The following NFKBID variants were observed in gnomAD, a reference collection of about 807,000 sequenced individuals.
The protein encoded by NFKBID is NF-kappa-B inhibitor delta.
NFKBID carries 26 observed loss-of-function variants against 53.4 expected under a neutral mutation model. That is an observed-to-expected ratio of 0.49 (90% confidence interval 0.36 to 0.68). The LOEUF is 0.68. Among genes scored for constraint, NFKBID ranks in the 30% least tolerant of loss-of-function variants. The probability of loss-of-function intolerance (pLI) is 0.00; values close to 1 mark genes in which losing one functional copy is unlikely to be tolerated. For synonymous variants in NFKBID, 262 were observed against 259.8 expected, an observed-to-expected ratio of 1.01 and a Z score of -0.08; for missense variants, 493 against 614.1, an observed-to-expected ratio of 0.80 and a Z score of 2.08.
exon 4 of NFKBID, chr19:35,897,763 T>G: frequency 6.2e-7 from 1 of 1,608,150 alleles, no homozygotes; most frequent in South Asian, 1.1e-5. Flanking sequence ...GCTGTCAGTG[T>G]AGGCAGCATG....
At chr19:35,901,962 T>C, upstream of NFKBID, 2 of 574,142 alleles carry the variant, frequency 3.5e-6, no homozygotes, top group South Asian at 2.0e-5. Flanking sequence ...TGTGTTGTGA[T>C]AGGGGCAGAA....
intron 3 of NFKBID, among the ~76,000 whole-genome samples, chr19:35,898,190 AT>A (rs1215442719): frequency 6.6e-6 from 1 of 152,100 alleles, no homozygotes; most frequent in Non-Finnish European, 1.5e-5. Context: ...TTCTACAAAA[AT>A]TTAAAAAATT....
In NFKBID at chr19:35,896,665, G is replaced by T; in HGVS notation, c.684+61C>A. ...ATTCCCCTCTTCTCTAGGATCCAGGGGTCCAGGCCCCAGGCTCCTTCCTCC... is the reference window on the plus strand; with the variant it reads ...ATTCCCCTCTTCTCTAGGATCCAGGTGTCCAGGCCCCAGGCTCCTTCCTCC... On this transcript the variant is annotated intron_variant, in intron 6 of 11. Transcript: ENST00000641389. This position sits in a 1 kb window ranked among gnomAD's most constrained non-coding sequence, Gnocchi z 5.7. 1 of 1,556,110 alleles carries T rather than the reference G, an allele frequency of 6.4e-7. No homozygotes were observed. The highest frequency in any genetic ancestry group is 1.4e-5 in the African/African-American group (1 of 73,588).
Position 35,896,585 on chromosome 19 carries a change from T to A in NFKBID, c.685-47A>T. On this transcript the variant is annotated intron_variant, in intron 6 of 11. Coordinates refer to ENST00000641389, the Ensembl canonical transcript of NFKBID. This position sits in a 1 kb window ranked among gnomAD's most constrained non-coding sequence, Gnocchi z 5.7. ...AGGTTGGGCTCCTGGTTCCCTCCCG[T>A]CAGAAAACCAGGCTCCCAGCCCCAT... 2 of 1,604,174 alleles carry A rather than the reference T, an allele frequency of 1.2e-6. No homozygotes were observed. Among genetic ancestry groups the A allele is most frequent in the Non-Finnish European group, 1.7e-6 (2 of 1,172,528 alleles).
upstream of NFKBID, chr19:35,901,975 C>T (rs758303662): frequency 3.4e-5 from 20 of 589,786 alleles, no homozygotes; most frequent in Non-Finnish European, 5.5e-5. Flanking sequence ...GGGCAGAATC[C>T]TGTCTGCACT....
At position 35,898,755 on chromosome 19, in the gene NFKBID, G is replaced by A. The variant is rs372425843; in HGVS notation, c.129C>T (p.Arg43=). 14 of 1,535,972 alleles carry A rather than the reference G, an allele frequency of 9.1e-6. No individual in the cohort carries two copies. In the African/African-American group the frequency reaches 9.6e-5, roughly 11 times the overall value. ...CAGCGTCGGGCTGCTGCTGCTGGCG[G>A]CGCCTCTGCTCTTCCAGAAGCTTCT... Residue 43 remains arginine (R), a synonymous_variant, in exon 2 of 12, where the codon CGC becomes CGT. Transcript: ENST00000641389.
downstream of NFKBID, chr19:35,888,114 G>C (rs1277588998): frequency 6.2e-6 from 1 of 162,104 alleles, no homozygotes; most frequent in Non-Finnish European, 1.4e-5. Flanking sequence ...CCTGTCTCAG[G>C]GTGAGGACCT....
At chr19:35,888,480 G>A in exon 12 of NFKBID, 1 of 1,012,694 alleles carries the variant, frequency 9.9e-7, no homozygotes, top group Non-Finnish European at 1.5e-6. Flanking sequence ...ATTATCATGG[G>A]TTTGCAACAT....
At chr19:35,900,513 TC>T in exon 1 of NFKBID, 1 of 1,231,744 alleles carries the variant, frequency 8.1e-7, no homozygotes, top group South Asian at 4.1e-5. Context: ...CCTCGCTGTT[TC>T]CCCCGCGGAG....
intron 3 of NFKBID, 47 bp from the exon 4 acceptor site, chr19:35,897,903 G>A (rs1369308689): frequency 2.2e-6 from 3 of 1,343,420 alleles, no homozygotes; most frequent in Non-Finnish European, 3.1e-6. Flanking sequence ...ACCAGAGTTG[G>A]GGACGTCACA....
At position 35,896,782 on chromosome 19, in the gene NFKBID, C is replaced by T. The variant is rs1419659400; in HGVS notation, c.628G>A (p.Ala210Thr). ...CGGTACACCTGGAGCACCTCAGCCG[C>T]AGCATATGCCGCCCAGCGCAGCCCC... The change falls in exon 6 of 12, where the codon GCG (alanine) becomes ACG (threonine). Residue 210 changes from alanine (A) to threonine (T), a missense_variant. Ala to Thr is a moderately conservative substitution (Grantham distance 58). This residue lies in a region of NFKBID where 267 missense variants were observed against 384.6 expected (regional missense o/e 0.69). Transcript: ENST00000641389. The surrounding 1 kb of genome is among the most constrained non-coding windows in gnomAD (Gnocchi z 5.7). The T allele has an allele frequency of 6.2e-7, 1 of 1,614,004 alleles. No homozygotes were observed.
exon 11 of NFKBID, chr19:35,889,952 G>A: frequency 6.2e-7 from 1 of 1,612,170 alleles, no homozygotes. Flanking sequence ...AGGTTGCGCA[G>A]TGTGGGGTCC....
intron 4 of NFKBID, 72 bp from the exon 5 acceptor site, chr19:35,897,130 C>T: frequency 6.6e-7 from 1 of 1,507,998 alleles, no homozygotes. Flanking sequence ...GTGGGGAGAC[C>T]CAGTCAGCTG....
chr19:35,900,715 G>T (rs1308224803), upstream of NFKBID: 8 of 1,112,202 alleles, frequency 7.2e-6, no homozygotes, highest in Middle Eastern at 1.0e-3. Flanking sequence ...GGGAAGGAGG[G>T]AGCTGGGGTC....
At chr19:35,891,803 G>T (rs1047787426) in intron 9 of NFKBID, among the ~76,000 whole-genome samples, 2 of 151,898 alleles carry the variant, frequency 1.3e-5, no homozygotes, top group Non-Finnish European at 2.9e-5. Flanking sequence ...GGAGGCAGAG[G>T]TTGCAGTGAG....
chr19:35,897,190 CT>C (rs1419386976), intron 4 of NFKBID, 132 bp from the exon 5 acceptor site: 2 of 925,478 alleles, frequency 2.2e-6, no homozygotes, highest in Non-Finnish European at 3.2e-6. Flanking sequence ...TGCAGAGCCC[CT>C]GGGTATCCCA....
chr19:35,896,143 C>G lies in NFKBID; in HGVS notation c.884-15G>C, dbSNP rs375526266. 2 of 1,613,870 alleles carry G rather than the reference C, an allele frequency of 1.2e-6. No individual in the cohort carries two copies. The highest frequency in any genetic ancestry group is 1.7e-5 in the Admixed American group (1 of 60,000). On this transcript the variant is annotated splice_polypyrimidine_tract_variant and intron_variant, in intron 8 of 11. Coordinates refer to ENST00000641389, the Ensembl canonical transcript of NFKBID. The surrounding 1 kb of genome is among the most constrained non-coding windows in gnomAD (Gnocchi z 5.7). ...CGGGGTGAGGCCTGCAGAATGGAGACAGTGAGGGACCCGCATCTGCACCCA... is the reference window on the plus strand; with the variant it reads ...CGGGGTGAGGCCTGCAGAATGGAGAGAGTGAGGGACCCGCATCTGCACCCA...
At chr19:35,889,605 G>A (rs1752682910) in intron 11 of NFKBID, among the ~76,000 whole-genome samples, 1 of 151,930 alleles carries the variant, frequency 6.6e-6, no homozygotes, top group Non-Finnish European at 1.5e-5. Context: ...CACTTGGGGG[G>A]ATCAAAGGTC....
chr19:35,890,190 G>A lies in NFKBID; in HGVS notation c.1150-136C>T, dbSNP rs184002883. On this transcript the variant is annotated intron_variant, in intron 10 of 11. Coordinates refer to ENST00000641389, the Ensembl canonical transcript of NFKBID. ...CCAGACCTCCCCCGGCCACAGCCAC[G>A]CTGCATGCATCCCTGTGTCCACGGA... 1.8e-4 allele frequency: 169 copies of A among 945,422 alleles called. No homozygotes were observed. In the African/African-American group the frequency reaches 2.3e-3, roughly 13 times the overall value. The allele number at this position is 945,422 out of a possible 1,614,324, so 58.6% of individuals were successfully genotyped here.
Sources: allele counts gnomAD v4.1 joint callset (sites outside exome capture counted in the v4.1 genomes callset), GRCh38; gene constraint gnomAD v4.1.1; regional missense constraint gnomAD v4.1.1; non-coding constraint Gnocchi (gnomAD v3.1); transcripts MANE v1.5; gene names NCBI Gene and HGNC (gene_info 2026-07-23, HGNC 2026-07-21).